The following INSYN2B variants were observed in gnomAD, a reference collection of about 807,000 sequenced individuals.
INSYN2B encodes the protein protein INSYN2B.
Under a neutral mutation model 41.2 loss-of-function variants are expected in INSYN2B, and 16 were observed. The ratio of observed to expected loss-of-function variants is 0.39; its 90% CI spans 0.26 to 0.59. The LOEUF (loss-of-function observed/expected upper bound fraction) is 0.59, where lower values mean the gene tolerates loss of function less well. Among genes scored for constraint, INSYN2B ranks in the 20% least tolerant of loss-of-function variants. INSYN2B has a pLI of 0.57. For synonymous variants in INSYN2B, 245 were observed against 244.4 expected (o/e 1.00, Z -0.02); for missense variants, 608 against 646.4 (o/e 0.94, Z 0.64).
At chr5:169,871,943 A>G (rs934103941) in intron 3 of INSYN2B, among the ~76,000 whole-genome samples, 3 of 152,220 alleles carry the variant, frequency 2.0e-5, no homozygotes, top group African/African-American at 4.8e-5. Flanking sequence ...GGGGTCAGCA[A>G]TCTTGGGTCT....
chr5:169,956,243 A>T (rs527394775), intron 1 of INSYN2B, among the ~76,000 whole-genome samples: 1 of 152,338 alleles, frequency 6.6e-6, no homozygotes, highest in East Asian at 1.9e-4. Context: ...CAAATTTCAG[A>T]TGCTTCTTTA....
intron 1 of INSYN2B, among the ~76,000 whole-genome samples, chr5:169,927,991 T>C (rs1775557487): frequency 6.6e-6 from 1 of 152,122 alleles, no homozygotes; most frequent in Admixed American, 6.5e-5. Context: ...TCAGTAGGTG[T>C]GGGAATTAAC....
At chr5:169,937,311 AC>A (rs1337501159) in intron 1 of INSYN2B, among the ~76,000 whole-genome samples, 3 of 152,200 alleles carry the variant, frequency 2.0e-5, no homozygotes, top group Non-Finnish European at 2.9e-5. Flanking sequence ...AAGTTTGCCA[AC>A]CCGTAGACTT....
At chr5:169,924,769 T>G (rs1775346994) in intron 1 of INSYN2B, among the ~76,000 whole-genome samples, 1 of 152,222 alleles carries the variant, frequency 6.6e-6, no homozygotes, top group Non-Finnish European at 1.5e-5. Flanking sequence ...TTCTTTTCTT[T>G]TCTTTTTTCA....
intron 1 of INSYN2B, among the ~76,000 whole-genome samples, chr5:169,962,901 C>G (rs1201427975): frequency 6.6e-6 from 1 of 152,098 alleles, no homozygotes; most frequent in Non-Finnish European, 1.5e-5. Context: ...GCTCCCCTGT[C>G]CCTGCCTGGC....
chr5:169,979,236 G>C (rs747496645), intron 1 of INSYN2B, among the ~76,000 whole-genome samples: 26 of 152,282 alleles, frequency 1.7e-4, no homozygotes, highest in East Asian at 1.9e-4. Context: ...TGTAAAGTTT[G>C]AACAACGTCA....
intron 1 of INSYN2B, among the ~76,000 whole-genome samples, chr5:169,907,258 A>G (rs1191954157): frequency 3.9e-5 from 6 of 152,202 alleles, no homozygotes; most frequent in Non-Finnish European, 7.3e-5. Flanking sequence ...GATACTGAAG[A>G]TACAGCGATG....
intron 1 of INSYN2B, among the ~76,000 whole-genome samples, chr5:169,957,047 T>C (rs1776898102): frequency 6.6e-6 from 1 of 151,974 alleles, no homozygotes; most frequent in Non-Finnish European, 1.5e-5. Flanking sequence ...TACTAGATGT[T>C]GAGTAGAATT....
intron 1 of INSYN2B, among the ~76,000 whole-genome samples, chr5:169,897,861 C>T (rs977584242): frequency 1.3e-5 from 2 of 152,180 alleles, no homozygotes; most frequent in Non-Finnish European, 2.9e-5. Flanking sequence ...GAGGAGTGGA[C>T]TCTCAAAAGA....
chr5:169,943,384 C>T (rs1358947821), intron 1 of INSYN2B, among the ~76,000 whole-genome samples: 4 of 152,122 alleles, frequency 2.6e-5, no homozygotes, highest in East Asian at 1.9e-4. Context: ...ACCTGTGGCC[C>T]GCGGGCCATA....
At chr5:169,933,874 G>A (rs1192352540) in intron 1 of INSYN2B, among the ~76,000 whole-genome samples, 2 of 152,144 alleles carry the variant, frequency 1.3e-5, no homozygotes, top group Non-Finnish European at 2.9e-5. Flanking sequence ...TGAACAGAGC[G>A]TGCTCCAGGG....
At chr5:169,871,001 G>C (rs146697266) in intron 3 of INSYN2B, among the ~76,000 whole-genome samples, 2 of 152,166 alleles carry the variant, frequency 1.3e-5, no homozygotes, top group South Asian at 4.1e-4. Context: ...CCTCTTCCTG[G>C]TCTACAGACA....
intron 1 of INSYN2B, among the ~76,000 whole-genome samples, chr5:169,919,961 T>G (rs961424814): frequency 2.0e-5 from 3 of 152,262 alleles, no homozygotes; most frequent in African/African-American, 7.2e-5. Context: ...CTACACTTTG[T>G]GTTAATGAAC....
chr5:169,913,121 C>T (rs1581406798), intron 1 of INSYN2B, among the ~76,000 whole-genome samples: 2 of 152,158 alleles, frequency 1.3e-5, no homozygotes, highest in South Asian at 2.1e-4. Context: ...TGAAACAGGT[C>T]ATAACTTCAG....
chr5:169,927,333 C>G (rs1352316335), intron 1 of INSYN2B, among the ~76,000 whole-genome samples: 1 of 152,132 alleles, frequency 6.6e-6, no homozygotes, highest in African/African-American at 2.4e-5. Context: ...TTCTCAAGCT[C>G]TATCATGAAT....
chr5:169,899,569 G>T (rs1308555336), intron 1 of INSYN2B, among the ~76,000 whole-genome samples: 1 of 152,226 alleles, frequency 6.6e-6, no homozygotes, highest in Non-Finnish European at 1.5e-5. Context: ...TGTTTGTGCA[G>T]AGCTGCTTGG....
chr5:169,957,157 A>G (rs1581470224), intron 1 of INSYN2B, among the ~76,000 whole-genome samples: 1 of 152,304 alleles, frequency 6.6e-6, no homozygotes, highest in East Asian at 1.9e-4. Flanking sequence ...TTTGCTTCTC[A>G]TTGCCTGGTA....
intron 1 of INSYN2B, among the ~76,000 whole-genome samples, chr5:169,977,553 A>G (rs1375979797): frequency 6.6e-6 from 1 of 152,238 alleles, no homozygotes; most frequent in Non-Finnish European, 1.5e-5. Context: ...GCTGAGGCAC[A>G]AGACCCTGCT....
intron 1 of INSYN2B, among the ~76,000 whole-genome samples, chr5:169,907,738 G>C (rs187961378): frequency 6.6e-6 from 1 of 152,164 alleles, no homozygotes; most frequent in Non-Finnish European, 1.5e-5. Context: ...TAGAGCAGTG[G>C]TTTTCAACTA....
Sources: allele counts gnomAD v4.1 joint callset (sites outside exome capture counted in the v4.1 genomes callset), GRCh38; gene constraint gnomAD v4.1.1; transcripts MANE v1.5; gene names NCBI Gene and HGNC (gene_info 2026-07-23, HGNC 2026-07-21).